ANKRD62: variants seen among roughly 807,000 people sequenced by gnomAD.
The protein encoded by ANKRD62 is ankyrin repeat domain-containing protein 62.
Under a neutral mutation model 98.8 loss-of-function variants are expected in ANKRD62, and 61 were observed. The observed-to-expected ratio is 0.62, with a 90% CI of 0.50 to 0.76. ANKRD62 has a LOEUF of 0.76. ANKRD62 is among the 30% of genes least tolerant of loss of function. The probability of loss-of-function intolerance (pLI) is 0.00; values close to 1 mark genes in which losing one functional copy is unlikely to be tolerated. For synonymous variants in ANKRD62, 341 were observed against 367.9 expected (o/e 0.93, Z 0.84); for missense variants, 933 against 1,082.9 (o/e 0.86, Z 1.94).
At position 12,094,074 on chromosome 18, in the gene ANKRD62, GAAGAATCGTGAC is replaced by G; in HGVS notation, c.61_72del (p.Asn21_Lys24del). On this transcript the variant is annotated inframe_deletion, in exon 1 of 14. Coordinates refer to ENST00000587848, the MANE Select transcript of ANKRD62 (RefSeq NM_001277333.2). Reference sequence around the variant, plus strand: ...GCAGGAGACGCATGGCTACCTGGAGGAAGAATCGTGACAAGGATGGCTTCTCAAATCCCGGGT... The same window carrying G: ...GCAGGAGACGCATGGCTACCTGGAGGAAGGATGGCTTCTCAAATCCCGGGT... 6.5e-7 allele frequency: 1 copy of G among 1,535,194 alleles called. No individual in the cohort carries two copies. The highest frequency in any genetic ancestry group is 8.7e-7 in the Non-Finnish European group (1 of 1,146,764).
At chr18:12,114,887 A>C (rs1319724526) in intron 8 of ANKRD62, among the ~76,000 whole-genome samples, 1 of 152,054 alleles carries the variant, frequency 6.6e-6, no homozygotes, top group Non-Finnish European at 1.5e-5. Context: ...TTTGTCCTGT[A>C]GTGCTACCCT....
intron 3 of ANKRD62, among the ~76,000 whole-genome samples, chr18:12,095,952 G>A (rs1909172410): frequency 6.6e-6 from 1 of 152,166 alleles, no homozygotes; most frequent in African/African-American, 2.4e-5. Flanking sequence ...CTGTGCAGCG[G>A]TTATCCCTTT....
chr18:12,126,484 A>G (rs188780169), intron 13 of ANKRD62, 101 bp downstream of exon 13: 133 of 1,073,592 alleles, frequency 1.2e-4, no homozygotes, highest in Non-Finnish European at 1.6e-4. Context: ...ATATCAAAAT[A>G]TATACATGAT....
intron 10 of ANKRD62, among the ~76,000 whole-genome samples, 163 bp from the exon 11 acceptor site, chr18:12,122,140 G>C (rs1336349145): frequency 1.3e-5 from 2 of 152,186 alleles, no homozygotes; most frequent in Non-Finnish European, 2.9e-5. Flanking sequence ...TGTGTTGTCT[G>C]TTTTATCTGA....
the ANKRD62 span, among the ~76,000 whole-genome samples, chr18:12,157,756 A>G: frequency 6.6e-6 from 1 of 152,144 alleles, no homozygotes; most frequent in Non-Finnish European, 1.5e-5. Flanking sequence ...GAGGCTGAAT[A>G]GTATAGGTGG....
chr18:12,095,683 A>G lies in ANKRD62; in HGVS notation c.507+73A>G, dbSNP rs951307421. ...TTACCATTGACATATGATTTTTTTTAGTAAAACATCTGAAACTAGAAGGAA... is the reference window on the plus strand; with the variant it reads ...TTACCATTGACATATGATTTTTTTTGGTAAAACATCTGAAACTAGAAGGAA... On this transcript the variant is annotated intron_variant, in intron 3 of 13. Transcript: ENST00000587848. 48 of 1,308,196 alleles carry G rather than the reference A, an allele frequency of 3.7e-5. No homozygotes were observed. The Admixed American group carries it at 1.5e-3, about 40-fold the overall frequency. The allele number at this position is 1,308,196 out of a possible 1,614,324, so 81.0% of individuals were successfully genotyped here.
chr18:12,164,376 G>T, the ANKRD62 span, among the ~76,000 whole-genome samples: 1 of 151,042 alleles, frequency 6.6e-6, no homozygotes, highest in Non-Finnish European at 1.5e-5. Flanking sequence ...TATTTCCCTG[G>T]GTCTTCTCCC....
At chr18:12,108,612 A>G (rs536754546) in intron 8 of ANKRD62, among the ~76,000 whole-genome samples, 1 of 152,268 alleles carries the variant, frequency 6.6e-6, no homozygotes, top group South Asian at 2.1e-4. Context: ...TTCAAAACCA[A>G]TACTGCCTTC....
intron 10 of ANKRD62, among the ~76,000 whole-genome samples, chr18:12,115,906 A>G (rs1164747358): frequency 6.6e-6 from 1 of 152,136 alleles, no homozygotes; most frequent in East Asian, 1.9e-4. Context: ...TCATAATTAT[A>G]TACATTTTTA....
the ANKRD62 span, among the ~76,000 whole-genome samples, chr18:12,134,869 A>G: frequency 1.3e-5 from 2 of 152,230 alleles, no homozygotes; most frequent in Admixed American, 6.5e-5. Context: ...ATGATTTATA[A>G]TCCTTTGGGT....
intron 10 of ANKRD62, among the ~76,000 whole-genome samples, chr18:12,119,164 A>T (rs746086429): frequency 5.0e-4 from 76 of 152,014 alleles, no homozygotes; most frequent in African/African-American, 1.8e-3. Context: ...TGTCATGTTT[A>T]CACATAAAAA....
chr18:12,145,264 C>A, the ANKRD62 span, among the ~76,000 whole-genome samples: 1 of 152,178 alleles, frequency 6.6e-6, no homozygotes, highest in Non-Finnish European at 1.5e-5. Flanking sequence ...TGGGAGGTCC[C>A]ACTGCTCTGC....
downstream of ANKRD62, among the ~76,000 whole-genome samples, chr18:12,132,739 T>C (rs1910024033): frequency 1.3e-5 from 2 of 152,122 alleles, no homozygotes; most frequent in African/African-American, 4.8e-5. Flanking sequence ...CATAATCATA[T>C]GGTTTTTATG....
the ANKRD62 span, among the ~76,000 whole-genome samples, chr18:12,155,252 T>G: frequency 6.6e-6 from 1 of 152,254 alleles, no homozygotes; most frequent in East Asian, 1.9e-4. Flanking sequence ...CTTGAAAACT[T>G]AATATAAATT....
intron 8 of ANKRD62, among the ~76,000 whole-genome samples, chr18:12,108,853 C>A (rs144123788): frequency 2.0e-4 from 31 of 152,324 alleles, no homozygotes; most frequent in Non-Finnish European, 3.7e-4. Context: ...ACTTGGCAGT[C>A]ATTAAATCTT....
At chr18:12,132,551 C>T (rs1000887385), downstream of ANKRD62, among the ~76,000 whole-genome samples, 7 of 152,014 alleles carry the variant, frequency 4.6e-5, no homozygotes, top group African/African-American at 1.2e-4. Flanking sequence ...GCTGACATGC[C>T]TTCTCGATCT....
chr18:12,152,082 C>CAA, the ANKRD62 span, among the ~76,000 whole-genome samples: 10 of 99,896 alleles, frequency 1.0e-4, no homozygotes, highest in African/African-American at 3.6e-4. Flanking sequence ...AATAAGCTAC[C>CAA]AAAAAAAAAA....
At chr18:12,134,429 G>A, downstream of ANKRD62, among the ~76,000 whole-genome samples, 1 of 151,902 alleles carries the variant, frequency 6.6e-6, no homozygotes, top group East Asian at 1.9e-4. Flanking sequence ...CAACGTGCAG[G>A]TTTGTTACAT....
the ANKRD62 span, among the ~76,000 whole-genome samples, chr18:12,141,140 G>C: frequency 4.7e-4 from 72 of 152,368 alleles, no homozygotes; most frequent in African/African-American, 1.6e-3. Flanking sequence ...TGTGGGCGTA[G>C]GACTCTCCGA....
Sources: allele counts gnomAD v4.1 joint callset (sites outside exome capture counted in the v4.1 genomes callset), GRCh38; gene constraint gnomAD v4.1.1; transcripts MANE v1.5; gene names NCBI Gene and HGNC (gene_info 2026-07-23, HGNC 2026-07-21).